Variants in C3orf49 observed in about 807,000 individuals in gnomAD.
C3orf49 encodes the protein putative uncharacterized protein C3orf49.
In C3orf49, 27 loss-of-function variants were observed where a neutral mutation model predicts 13.3. The ratio of observed to expected loss-of-function variants is 2.02; its 90% CI spans 1.49 to 2.79. The LOEUF (loss-of-function observed/expected upper bound fraction) is 2.79, where lower values mean the gene tolerates loss of function less well. Among genes scored for constraint, C3orf49 ranks in the 30% most tolerant of loss-of-function variants. C3orf49 has a pLI of 0.00. For missense variants in C3orf49, 242 were observed against 134.2 expected (o/e 1.80, Z -3.97); for synonymous variants, 87 against 47.6 (o/e 1.83, Z -3.40).
chr3:63,838,507 AAAAG>A (rs755932092), intron 5 of C3orf49: 1 of 1,579,056 alleles, frequency 6.3e-7, no homozygotes, highest in Non-Finnish European at 8.5e-7. Flanking sequence ...TATCTAATGA[AAAAG>A]AAAGAAAACC....
At chr3:63,814,100 A>G in the C3orf49 span, among the ~76,000 whole-genome samples, 4 of 152,200 alleles carry the variant, frequency 2.6e-5, no homozygotes, top group Non-Finnish European at 4.4e-5. Context: ...ACAGTCTAAT[A>G]ACGGGCCAGG....
chr3:63,808,982 T>C, the C3orf49 span, among the ~76,000 whole-genome samples: 5 of 152,044 alleles, frequency 3.3e-5, no homozygotes, highest in African/African-American at 1.2e-4. Flanking sequence ...TTTCTTTTGG[T>C]CTCCATCAAA....
chr3:63,831,852 TC>T lies in C3orf49; in HGVS notation c.849+11del, dbSNP rs1316139104. Reference sequence around the variant, plus strand: ...AAGTATAAATTAAAAAATGTGTGTTTCCCATGTACCTGCTGCTGCTTCTGAC... The same window carrying T: ...AAGTATAAATTAAAAAATGTGTGTTTCCATGTACCTGCTGCTGCTTCTGAC... On this transcript the variant is annotated intron_variant, in intron 5 of 6. Transcript: ENST00000295896. 1 of 697,154 alleles carries T rather than the reference TC, an allele frequency of 1.4e-6. No individual in the cohort carries two copies. The highest frequency in any genetic ancestry group is 1.8e-5 in the African/African-American group (1 of 56,830). The allele number at this position is 697,154 out of a possible 1,614,324, so 43.2% of individuals were successfully genotyped here.
chr3:63,844,716 T>C (rs1701849215), intron 5 of C3orf49, among the ~76,000 whole-genome samples: 1 of 152,174 alleles, frequency 6.6e-6, no homozygotes, highest in African/African-American at 2.4e-5. Context: ...CACTCTCCTT[T>C]GCCATGTGAT....
intron 1 of C3orf49, among the ~76,000 whole-genome samples, chr3:63,820,258 A>C (rs1443637487): frequency 1.3e-5 from 2 of 152,226 alleles, no homozygotes; most frequent in Non-Finnish European, 2.9e-5. Context: ...GGAAGCATCA[A>C]AGACCAAGCT....
the C3orf49 span, among the ~76,000 whole-genome samples, chr3:63,807,076 C>T: frequency 1.9e-3 from 282 of 152,060 alleles, no homozygotes; most frequent in Non-Finnish European, 3.1e-3. Context: ...CTCAGCCACC[C>T]GAGTAGCTGG....
At chr3:63,790,027 A>G in the C3orf49 span, among the ~76,000 whole-genome samples, 12 of 152,246 alleles carry the variant, frequency 7.9e-5, no homozygotes, top group South Asian at 2.5e-3. Flanking sequence ...ACAAATCCTT[A>G]TGAACCACTC....
rs781097633 is a variant in C3orf49, at chr3:63,827,664, T to C, written c.509T>C (p.Leu170Pro). 2.8e-5 allele frequency: 20 copies of C among 703,090 alleles called. No homozygotes were observed. Among genetic ancestry groups the C allele is most frequent in the Non-Finnish European group, 4.4e-5 (17 of 385,056 alleles). The allele number at this position is 703,090 out of a possible 1,614,324, so 43.6% of individuals were successfully genotyped here. ...GAGATAACCCAGGGAAACACACTCC[T>C]TCGGGCCAGGAGAACCACCAAGCGG... ...TEEITQGNTLLRARRTTKRLS... is the reference protein window; with the variant it reads ...TEEITQGNTLPRARRTTKRLS... The change falls in exon 3 of 7, where the codon CTT becomes CCT. Residue 170 changes from leucine to proline, a missense_variant. Transcript: ENST00000295896.
chr3:63,841,843 T>C (rs1292620696), intron 5 of C3orf49, among the ~76,000 whole-genome samples: 2 of 152,198 alleles, frequency 1.3e-5, no homozygotes, highest in Non-Finnish European at 2.9e-5. Flanking sequence ...AAAAGAAGCA[T>C]CTAGTGGGTG....
At chr3:63,795,002 C>A in the C3orf49 span, among the ~76,000 whole-genome samples, 22 of 152,312 alleles carry the variant, frequency 1.4e-4, no homozygotes. Context: ...TGGTTGCCGT[C>A]CCGTCTCCCT....
rs554125125 is a variant in C3orf49, at chr3:63,830,333, A to G, written c.571-777A>G. Among the ~76,000 whole-genome samples, 6 of 152,366 alleles carry G rather than the reference A, an allele frequency of 3.9e-5. No individual in the cohort carries two copies. In the South Asian group the frequency reaches 1.2e-3, roughly 32 times the overall value. On this transcript the variant is annotated intron_variant, in intron 3 of 6. Coordinates refer to ENST00000295896, the MANE Select transcript of C3orf49 (RefSeq NM_001355236.2). Reference sequence around the variant, plus strand: ...AGAGGGGTCTTACTTTAGATAGATCAGGGAAGATTCTGCAAGTGACATTTG... The same window carrying G: ...AGAGGGGTCTTACTTTAGATAGATCGGGGAAGATTCTGCAAGTGACATTTG...
At chr3:63,814,743 G>C (rs1033451291), upstream of C3orf49, among the ~76,000 whole-genome samples, 2 of 152,036 alleles carry the variant, frequency 1.3e-5, no homozygotes, top group Non-Finnish European at 2.9e-5. Context: ...TAGTTCCACT[G>C]TTCCCCCTTT....
chr3:63,846,023 GAC>G (rs1338565119), intron 6 of C3orf49: 1 of 207,822 alleles, frequency 4.8e-6, no homozygotes, highest in Non-Finnish European at 1.0e-5. Flanking sequence ...GCCTCAAAGA[GAC>G]AGTCCTCTAA....
At chr3:63,829,048 A>G (rs1490206049) in intron 3 of C3orf49, among the ~76,000 whole-genome samples, 1 of 152,248 alleles carries the variant, frequency 6.6e-6, no homozygotes, top group Non-Finnish European at 1.5e-5. Context: ...TGGCTGTCCT[A>G]TACAGCACAG....
At chr3:63,815,597 ACCTCTC>A (rs1408986751), upstream of C3orf49, among the ~76,000 whole-genome samples, 1 of 151,764 alleles carries the variant, frequency 6.6e-6, no homozygotes, top group Non-Finnish European at 1.5e-5. Flanking sequence ...TCTTTGAAAT[ACCTCTC>A]CCAGATCTCA....
intron 2 of C3orf49, among the ~76,000 whole-genome samples, chr3:63,824,624 A>G (rs993549832): frequency 6.6e-6 from 1 of 152,170 alleles, no homozygotes; most frequent in East Asian, 1.9e-4. Context: ...GGATCACTTG[A>G]GCCCAGGAGT....
the C3orf49 span, among the ~76,000 whole-genome samples, chr3:63,804,069 G>T: frequency 6.6e-6 from 1 of 151,952 alleles, no homozygotes; most frequent in East Asian, 1.9e-4. Context: ...ATCTAATGCC[G>T]CCACTGATCT....
the C3orf49 span, among the ~76,000 whole-genome samples, chr3:63,798,768 C>T: frequency 2.6e-5 from 4 of 152,050 alleles, no homozygotes; most frequent in East Asian, 3.9e-4. Flanking sequence ...CCTATGTCAC[C>T]GCTGAAATGT....
chr3:63,829,863 G>C (rs1386683668), intron 3 of C3orf49, among the ~76,000 whole-genome samples: 1 of 152,082 alleles, frequency 6.6e-6, no homozygotes, highest in Non-Finnish European at 1.5e-5. Context: ...TCCTCAGAAG[G>C]CTGAGGTGGG....
Sources: allele counts gnomAD v4.1 joint callset (sites outside exome capture counted in the v4.1 genomes callset), GRCh38; gene constraint gnomAD v4.1.1; transcripts MANE v1.5; gene names NCBI Gene and HGNC (gene_info 2026-07-23, HGNC 2026-07-21).